Variants in UNC13C observed in about 807,000 individuals in gnomAD.
UNC13C encodes the protein unc-13 homolog C.
A neutral mutation model predicts 245.4 loss-of-function variants in UNC13C; 174 were observed. The ratio of observed to expected loss-of-function variants is 0.71; its 90% CI spans 0.63 to 0.80. UNC13C has a LOEUF of 0.80. UNC13C is among the 30% of genes least tolerant of loss of function. The probability of loss-of-function intolerance (pLI) is 0.00; values close to 1 mark genes in which losing one functional copy is unlikely to be tolerated. For missense variants in UNC13C, 2,829 were observed against 2,602.9 expected, an observed-to-expected ratio of 1.09 and a Z score of -1.89; for synonymous variants, 992 against 895.1, an observed-to-expected ratio of 1.11 and a Z score of -1.93.
At chr15:54,211,616 T>C (rs1384221760) in intron 4 of UNC13C, among the ~76,000 whole-genome samples, 2 of 152,094 alleles carry the variant, frequency 1.3e-5, no homozygotes, top group Non-Finnish European at 2.9e-5. Context: ...CCACTGGTTG[T>C]GGTGTACAAA....
Position 54,262,908 on chromosome 15 carries a change from A to T in UNC13C, c.3449-1260A>T, listed in dbSNP as rs571671657. ...TCAAATTGTATATGAATTTATCATAAGTAAAGTTAATAGTTGACCTTTCAT... is the reference window on the plus strand; with the variant it reads ...TCAAATTGTATATGAATTTATCATATGTAAAGTTAATAGTTGACCTTTCAT... On this transcript the variant is annotated intron_variant, in intron 8 of 32. Coordinates refer to ENST00000260323, the MANE Select transcript of UNC13C (RefSeq NM_001080534.3). Among the ~76,000 whole-genome samples the T allele has an allele frequency of 3.9e-5, 6 of 152,302 alleles. No individual in the cohort carries two copies. In the South Asian group the frequency reaches 1.2e-3, roughly 32 times the overall value.
At chr15:54,051,699 G>A (rs12903077) in intron 2 of UNC13C, among the ~76,000 whole-genome samples, 128,664 of 150,834 alleles carry the variant, frequency 0.85, 55,016 homozygotes, top group Middle Eastern at 0.92. Context: ...TGGCATTCGT[G>A]TTTTCCAGGG....
intron 4 of UNC13C, among the ~76,000 whole-genome samples, chr15:54,213,521 G>A (rs548706390): frequency 6.6e-6 from 1 of 152,184 alleles, no homozygotes; most frequent in East Asian, 1.9e-4. Flanking sequence ...TTAGGAACAT[G>A]CAGTTAAGTC....
At chr15:54,442,411 C>T (rs1334407323) in intron 19 of UNC13C, among the ~76,000 whole-genome samples, 2 of 151,648 alleles carry the variant, frequency 1.3e-5, no homozygotes, top group African/African-American at 4.8e-5. Context: ...TTGTAGAGAC[C>T]AGGGTTTCAC....
chr15:53,865,120 T>G, the UNC13C span, among the ~76,000 whole-genome samples: 2,615 of 152,292 alleles, frequency 0.017, 52 homozygotes, highest in East Asian at 0.08. Context: ...GTACTATTTT[T>G]TATTTTTCTA....
chr15:54,536,545 G>T (rs1226776558), intron 26 of UNC13C, among the ~76,000 whole-genome samples: 1 of 151,688 alleles, frequency 6.6e-6, no homozygotes, highest in Non-Finnish European at 1.5e-5. Flanking sequence ...AAAACTTCAG[G>T]TCAATATCTT....
chr15:53,924,034 C>T, the UNC13C span, among the ~76,000 whole-genome samples: 1 of 152,044 alleles, frequency 6.6e-6, no homozygotes, highest in African/African-American at 2.4e-5. Flanking sequence ...GAAACCCCAT[C>T]TCTACTAAAA....
intron 4 of UNC13C, among the ~76,000 whole-genome samples, chr15:54,146,439 A>T (rs2032262884): frequency 6.6e-6 from 1 of 152,228 alleles, no homozygotes; most frequent in South Asian, 2.1e-4. Flanking sequence ...CCAGATAATG[A>T]AATTAATAAT....
chr15:54,534,685 A>G (rs73421556), intron 26 of UNC13C, among the ~76,000 whole-genome samples: 14,785 of 152,248 alleles, frequency 0.097, 914 homozygotes, highest in African/African-American at 0.17. Flanking sequence ...AACCCAAGGA[A>G]TCTAATGATA....
Position 54,504,888 on chromosome 15 carries a change from G to A in UNC13C, c.5302-2229G>A, listed in dbSNP as rs147297676. Among the ~76,000 whole-genome samples, 43 of 152,184 alleles carry A rather than the reference G, an allele frequency of 2.8e-4. No individual in the cohort carries two copies. The East Asian group carries it at 7.5e-3, about 27-fold the overall frequency. ...TGGCATTAGCTCAGAAAAACACAAT[G>A]CCTTTGTCTGAGTAATTGATGGCCG... On this transcript the variant is annotated intron_variant, in intron 22 of 32. Coordinates refer to ENST00000260323, the MANE Select transcript of UNC13C (RefSeq NM_001080534.3).
At chr15:54,392,575 A>G (rs1025251881) in intron 17 of UNC13C, among the ~76,000 whole-genome samples, 17 of 152,088 alleles carry the variant, frequency 1.1e-4, no homozygotes, top group Admixed American at 5.2e-4. Flanking sequence ...TCAGTTCTGC[A>G]TACTTACTGC....
chr15:54,248,689 C>T (rs1031073920), intron 7 of UNC13C, among the ~76,000 whole-genome samples: 5 of 152,118 alleles, frequency 3.3e-5, no homozygotes, highest in Non-Finnish European at 7.4e-5. Context: ...GAGTGATGCC[C>T]GAATTTGACC....
chr15:53,848,686 C>T, the UNC13C span, among the ~76,000 whole-genome samples: 1 of 152,046 alleles, frequency 6.6e-6, no homozygotes, highest in Admixed American at 6.6e-5. Flanking sequence ...GATTTCTCTG[C>T]CTTCTTGTTC....
chr15:53,956,792 G>T, the UNC13C span, among the ~76,000 whole-genome samples: 1 of 151,674 alleles, frequency 6.6e-6, no homozygotes, highest in East Asian at 2.0e-4. Context: ...CGGAGAGAAG[G>T]ATTATCAGAG....
At position 54,396,843 on chromosome 15, in the gene UNC13C, A is replaced by G. The variant is rs113712913; in HGVS notation, c.4847+3662A>G. ...TCTTCTTTGGTGAAATTTCTGTTCA[A>G]ATCATTTTCCCATTTCCAAATTAGG... On this transcript the variant is annotated intron_variant, in intron 18 of 32. Coordinates refer to ENST00000260323, the MANE Select transcript of UNC13C (RefSeq NM_001080534.3). Among the ~76,000 whole-genome samples the G allele has an allele frequency of 5.3e-5, 8 of 151,216 alleles. 1 individual carries two copies. Among genetic ancestry groups the G allele is most frequent in the African/African-American group, 1.7e-4 (7 of 41,388 alleles).
intron 8 of UNC13C, among the ~76,000 whole-genome samples, chr15:54,263,262 T>A (rs2036471791): frequency 6.6e-6 from 1 of 152,188 alleles, no homozygotes; most frequent in African/African-American, 2.4e-5. Context: ...TGGCAGTTCC[T>A]GTAGACACTG....
rs374851891 is a variant in UNC13C at position 54,522,075 on chromosome 15, T to G, written c.5458-3474T>G. On this transcript the variant is annotated intron_variant, in intron 24 of 32. Coordinates refer to ENST00000260323, the MANE Select transcript of UNC13C (RefSeq NM_001080534.3). Reference sequence around the variant, plus strand: ...CTAACTGCCTAGGGCTAGCTACACTTGAGCGAAAATTTGCAAAAGGAGATA... The same window carrying G: ...CTAACTGCCTAGGGCTAGCTACACTGGAGCGAAAATTTGCAAAAGGAGATA... 6.6e-5 allele frequency among the ~76,000 whole-genome samples: 10 copies of G among 152,126 alleles called. No individual in the cohort carries two copies. The East Asian group carries it at 1.5e-3, about 23-fold the overall frequency.
chr15:54,304,506 C>T (rs1049698986), intron 13 of UNC13C, among the ~76,000 whole-genome samples: 1 of 151,928 alleles, frequency 6.6e-6, no homozygotes, highest in Non-Finnish European at 1.5e-5. Context: ...TTCTTTCTGC[C>T]TCTATCGCCC....
At chr15:53,965,366 C>T in the UNC13C span, among the ~76,000 whole-genome samples, 1 of 151,898 alleles carries the variant, frequency 6.6e-6, no homozygotes, top group African/African-American at 2.4e-5. Flanking sequence ...TTAAACACAG[C>T]CTTCAGTACA....
Sources: gnomAD v4.1 joint callset for allele counts (sites outside exome capture counted in the v4.1 genomes callset) on GRCh38, gnomAD v4.1.1 for gene constraint, MANE v1.5 for transcripts, NCBI Gene and HGNC (gene_info 2026-07-23, HGNC 2026-07-21) for gene names.